Variants in XYLT1 observed in about 807,000 individuals in gnomAD.
XYLT1 encodes the protein xylosyltransferase 1.
XYLT1 carries 36 observed loss-of-function variants against 91.3 expected under a neutral mutation model. The ratio of observed to expected loss-of-function variants is 0.39; its 90% CI spans 0.30 to 0.52. The LOEUF (loss-of-function observed/expected upper bound fraction) is 0.52, where lower values mean the gene tolerates loss of function less well. Ranked by LOEUF, XYLT1 falls within the 20% of genes least tolerant of loss-of-function variation. The pLI, the probability that XYLT1 is intolerant of heterozygous loss-of-function variation, is 0.68. For missense variants in XYLT1, 1,242 were observed against 1,284.5 expected (o/e 0.97, Z 0.51); for synonymous variants, 588 against 532.0 (o/e 1.11, Z -1.45).
At chr16:17,424,428 G>A (rs1016439846) in intron 1 of XYLT1, among the ~76,000 whole-genome samples, 2 of 152,176 alleles carry the variant, frequency 1.3e-5, no homozygotes, top group East Asian at 1.9e-4. Flanking sequence ...ATGAGAAGAC[G>A]ATAGGCTTCA....
chr16:17,303,443 AGCT>A (rs760555880), intron 2 of XYLT1, among the ~76,000 whole-genome samples: 6 of 152,228 alleles, frequency 3.9e-5, no homozygotes, highest in Non-Finnish European at 5.9e-5. Flanking sequence ...CTTCTGCTTT[AGCT>A]GCTATTACTG....
At chr16:17,335,814 T>C (rs903564068) in intron 2 of XYLT1, among the ~76,000 whole-genome samples, 4 of 152,202 alleles carry the variant, frequency 2.6e-5, no homozygotes, top group Non-Finnish European at 5.9e-5. Context: ...ATATTTTTAC[T>C]TCAATGGCTT....
chr16:17,138,576 C>CCACAGATGAACT (rs2030855629), intron 7 of XYLT1, 45 bp from the exon 8 acceptor site: 1 of 1,594,442 alleles, frequency 6.3e-7, no homozygotes, highest in Non-Finnish European at 8.6e-7. Context: ...TCCCAGCCTC[C>CCACAGATGAACT]CACAGATGAA....
chr16:17,162,072 T>C (rs1056906242), intron 5 of XYLT1, among the ~76,000 whole-genome samples: 1 of 152,198 alleles, frequency 6.6e-6, no homozygotes, highest in African/African-American at 2.4e-5. Flanking sequence ...GAAAGACTTT[T>C]GCCACATTTT....
chr16:17,412,120 G>A (rs1222187280), intron 1 of XYLT1, among the ~76,000 whole-genome samples: 1 of 152,114 alleles, frequency 6.6e-6, no homozygotes, highest in Non-Finnish European at 1.5e-5. Context: ...TGAAGGGCAT[G>A]TGTAAGAAGT....
intron 1 of XYLT1, among the ~76,000 whole-genome samples, chr16:17,424,416 G>A (rs532622300): frequency 2.0e-5 from 3 of 152,176 alleles, no homozygotes; most frequent in Non-Finnish European, 4.4e-5. Flanking sequence ...TTATGCTGAT[G>A]TATGAGAAGA....
intron 2 of XYLT1, among the ~76,000 whole-genome samples, chr16:17,319,041 G>A (rs1291260022): frequency 6.6e-6 from 1 of 152,010 alleles, no homozygotes; most frequent in East Asian, 1.9e-4. Context: ...GCCCGCCTAC[G>A]CCTTCCAAAG....
At position 17,443,424 on chromosome 16, in the gene XYLT1, C is replaced by T. The variant is rs990343343; in HGVS notation, c.363+27010G>A. ...CCCATGCTGTTCTCATGATAGTGAG[C>T]GAGTTCTCACGAGATCTGATGGTTT... On this transcript the variant is annotated intron_variant, in intron 1 of 11. Coordinates refer to ENST00000261381, the MANE Select transcript of XYLT1 (RefSeq NM_022166.4). 9.9e-5 allele frequency among the ~76,000 whole-genome samples: 15 copies of T among 152,204 alleles called. 1 individual carries two copies. The South Asian group carries it at 1.9e-3, about 19-fold the overall frequency.
rs747204331 is a variant in XYLT1 at position 17,292,105 on chromosome 16, CAT to C, written c.403-32609_403-32608del. 1.3e-4 allele frequency among the ~76,000 whole-genome samples: 18 copies of C among 137,618 alleles called. No individual in the cohort carries two copies. In the South Asian group the frequency reaches 1.6e-3, roughly 13 times the overall value. 90.3% of individuals were successfully genotyped at this position (137,618 alleles called of 152,430 possible). On this transcript the variant is annotated intron_variant, in intron 2 of 11. Coordinates refer to ENST00000261381, the MANE Select transcript of XYLT1 (RefSeq NM_022166.4). ...ATACACACACACACACACACACACA[CAT>C]ATACACATATATATCTGTGTGTGTC...
At chr16:17,399,393 G>GCC in intron 1 of XYLT1, among the ~76,000 whole-genome samples, 1 of 152,140 alleles carries the variant, frequency 6.6e-6, no homozygotes, top group South Asian at 2.1e-4. Flanking sequence ...AAGGGGTGTG[G>GCC]ACAACTCCAG....
intron 3 of XYLT1, among the ~76,000 whole-genome samples, chr16:17,235,220 G>A (rs1241459727): frequency 6.6e-6 from 1 of 151,940 alleles, no homozygotes; most frequent in African/African-American, 2.4e-5. Context: ...TCTCACACAA[G>A]TCAGACAAAG....
chr16:17,368,964 G>A (rs2035490705), intron 1 of XYLT1, among the ~76,000 whole-genome samples: 1 of 151,522 alleles, frequency 6.6e-6, no homozygotes, highest in Non-Finnish European at 1.5e-5. Context: ...AATTTATATA[G>A]GAGGAAACTG....
At chr16:17,411,792 G>A (rs1365561571) in intron 1 of XYLT1, among the ~76,000 whole-genome samples, 1 of 152,176 alleles carries the variant, frequency 6.6e-6, no homozygotes, top group Non-Finnish European at 1.5e-5. Context: ...AGGGGCTCCG[G>A]AAACTGTCCA....
At chr16:17,425,545 A>G (rs926468451) in intron 1 of XYLT1, among the ~76,000 whole-genome samples, 2 of 152,216 alleles carry the variant, frequency 1.3e-5, no homozygotes, top group African/African-American at 2.4e-5. Flanking sequence ...TTTGCTTCCC[A>G]GAAACCAAAG....
chr16:17,311,450 G>A (rs1219599885), intron 2 of XYLT1, among the ~76,000 whole-genome samples: 1 of 152,204 alleles, frequency 6.6e-6, no homozygotes, highest in African/African-American at 2.4e-5. Flanking sequence ...CCAAGAGTCT[G>A]GGGGTGGCAG....
At chr16:17,150,291 A>G (rs1044224298) in intron 6 of XYLT1, among the ~76,000 whole-genome samples, 1 of 152,184 alleles carries the variant, frequency 6.6e-6, no homozygotes, top group Non-Finnish European at 1.5e-5. Flanking sequence ...GCTGGAGTCA[A>G]TTGTTATTCC....
chr16:17,308,898 T>C (rs2034504621), intron 2 of XYLT1, among the ~76,000 whole-genome samples: 1 of 152,024 alleles, frequency 6.6e-6, no homozygotes, highest in African/African-American at 2.4e-5. Context: ...TTTAGCGCAG[T>C]GTCTGGCGCA....
At chr16:17,225,752 C>G (rs1282245926) in intron 3 of XYLT1, among the ~76,000 whole-genome samples, 3 of 152,116 alleles carry the variant, frequency 2.0e-5, no homozygotes, top group Non-Finnish European at 2.9e-5. Context: ...AAAGATTACT[C>G]AGAGACTGTG....
intron 1 of XYLT1, among the ~76,000 whole-genome samples, chr16:17,448,058 T>C (rs971433721): frequency 1.3e-5 from 2 of 152,188 alleles, no homozygotes; most frequent in African/African-American, 4.8e-5. Flanking sequence ...GAAAGGCTAT[T>C]TACTAAATAT....
Sources: allele counts gnomAD v4.1 joint callset (sites outside exome capture counted in the v4.1 genomes callset), GRCh38; gene constraint gnomAD v4.1.1; transcripts MANE v1.5; gene names NCBI Gene and HGNC (gene_info 2026-07-23, HGNC 2026-07-21).